The following UMOD variants were observed in gnomAD, a reference collection of about 807,000 sequenced individuals.
UMOD encodes Tamm-Horsfall urinary glycoprotein.
In UMOD, 64 loss-of-function variants were observed where a neutral mutation model predicts 66.0. The ratio of observed to expected loss-of-function variants is 0.97; its 90% CI spans 0.79 to 1.19. The LOEUF (loss-of-function observed/expected upper bound fraction) is 1.19, where lower values mean the gene tolerates loss of function less well. Ranked by LOEUF, UMOD falls within the 50% of genes most tolerant of loss-of-function variation. UMOD has a pLI of 0.00. For synonymous variants in UMOD, 398 were observed against 352.7 expected (o/e 1.13, Z -1.44); for missense variants, 764 against 850.9 (o/e 0.90, Z 1.27).
upstream of UMOD, among the ~76,000 whole-genome samples, chr16:20,355,275 C>A (rs187219334): frequency 6.6e-5 from 10 of 152,232 alleles, no homozygotes; most frequent in East Asian, 1.9e-3. Context: ...TCCATGTTAC[C>A]AAATTCAATC....
rs1361617632 is a variant in UMOD, at chr16:20,333,166, G to A, written c.*148C>T. The A allele has an allele frequency of 1.3e-5, 11 of 844,412 alleles. No individual in the cohort carries two copies. The highest frequency in any genetic ancestry group is 6.1e-5 in the Admixed American group (3 of 48,792). 52.3% of individuals were successfully genotyped at this position (844,412 alleles called of 1,614,324 possible). A position where few individuals can be genotyped will look rare whatever the true frequency, so the allele number is the denominator to read the frequency against. ...CATTTAAAGACACAGGCTGTTTCTC[G>A]ACAGCCAGGATTAAAAGGGAGAAAA... is the stretch of plus-strand genomic sequence containing the variant. On this transcript the variant is annotated 3_prime_UTR_variant, in exon 11 of 11. Transcript: ENST00000396138.
intron 7 of UMOD, among the ~76,000 whole-genome samples, chr16:20,340,636 T>C (rs1239083506): frequency 6.6e-6 from 1 of 151,982 alleles, no homozygotes; most frequent in Non-Finnish European, 1.5e-5. Flanking sequence ...ATTTCTGTAG[T>C]TTGTTGCCTG....
rs376136571 is a variant in UMOD at position 20,340,045 on chromosome 16, C to T, written c.1577+1046G>A. 3.3e-4 allele frequency among the ~76,000 whole-genome samples: 50 copies of T among 152,250 alleles called. No individual in the cohort carries two copies. The South Asian group carries it at 9.3e-3, about 28-fold the overall frequency. On this transcript the variant is annotated intron_variant, in intron 7 of 10. Transcript: ENST00000396138. ...TGGGCTGCCTGCTGCCCTGGGCAAG[C>T]CTTTCCATCAAGTTTCTTACCATTT...
intron 7 of UMOD, 81 bp downstream of exon 7, chr16:20,341,005 AAAAAG>A: frequency 1.4e-6 from 2 of 1,441,982 alleles, no homozygotes; most frequent in South Asian, 1.3e-5. Flanking sequence ...AAAAAAAAAA[AAAAAG>A]ATGCAATTTT....
chr16:20,349,951 G>T, intron 2 of UMOD: 1 of 1,420,986 alleles, frequency 7.0e-7, no homozygotes, highest in Non-Finnish European at 9.3e-7. Context: ...AATAGGATGT[G>T]CACTTTTCAC....
chr16:20,349,935 C>A, intron 2 of UMOD: 1 of 1,484,690 alleles, frequency 6.7e-7, no homozygotes, highest in South Asian at 1.3e-5. Flanking sequence ...TTACTATATG[C>A]CAGGCAATAG....
At position 20,343,603 on chromosome 16, in the gene UMOD, C is replaced by T. The variant is rs552090716; in HGVS notation, c.1331+421G>A. On this transcript the variant is annotated intron_variant, in intron 6 of 10. Transcript: ENST00000396138. ...GGTTGAATCTGATTCACATCACAAT[C>T]ATAGCTCTAAGCAGCCTCAAATTCC... Among the ~76,000 whole-genome samples the T allele has an allele frequency of 4.6e-5, 7 of 152,338 alleles. No individual in the cohort carries two copies. In the South Asian group the frequency reaches 1.4e-3, roughly 32 times the overall value.
chr16:20,341,695 T>G lies in UMOD; in HGVS notation c.1332-359A>C, dbSNP rs2141649884. On this transcript the variant is annotated intron_variant, in intron 6 of 10. Coordinates refer to ENST00000396138, the MANE Select transcript of UMOD (RefSeq NM_003361.4). ...TATAGGCTTTGCTACCCCTGTAGCT[T>G]TCAAGATGGCAAAAAAACAAATTAT... 1.3e-5 allele frequency among the ~76,000 whole-genome samples: 2 copies of G among 149,856 alleles called. 1 individual carries two copies. The highest frequency in any genetic ancestry group is 3.9e-4 in the East Asian group (2 of 5,184).
intron 5 of UMOD, among the ~76,000 whole-genome samples, chr16:20,345,848 A>G (rs1965552795): frequency 6.6e-6 from 1 of 152,176 alleles, no homozygotes; most frequent in Non-Finnish European, 1.5e-5. Flanking sequence ...TGTAAAATGG[A>G]GAACTATCAC....
At chr16:20,343,605 T>C (rs1005174213) in intron 6 of UMOD, among the ~76,000 whole-genome samples, 27 of 152,232 alleles carry the variant, frequency 1.8e-4, no homozygotes, top group African/African-American at 6.3e-4. Context: ...ATCACAATCA[T>C]AGCTCTAAGC....
chr16:20,349,886 A>G, intron 2 of UMOD: 2 of 1,511,080 alleles, frequency 1.3e-6, no homozygotes, highest in African/African-American at 1.6e-5. Context: ...AATAAAAATA[A>G]CCATTAAAAA....
At chr16:20,339,038 G>A (rs567552246) in intron 7 of UMOD, among the ~76,000 whole-genome samples, 1 of 152,264 alleles carries the variant, frequency 6.6e-6, no homozygotes, top group Non-Finnish European at 1.5e-5. Context: ...TGGGATTACA[G>A]GCGTGAGCCA....
intron 2 of UMOD, chr16:20,349,816 C>T: frequency 6.5e-7 from 1 of 1,550,096 alleles, no homozygotes; most frequent in East Asian, 2.4e-5. Context: ...TCAGTGTCGC[C>T]TCCTCTCTGC....
rs769862242 is a variant in UMOD, at chr16:20,348,497, G to T, written c.804C>A (p.Ala268=). ...WDASVQVKAC[A]GGYYVYNLTA... is the part of the protein sequence containing the mutation. Reference sequence around the variant, plus strand: ...TCAGGTTGTAGACGTAGTAGCCGCCGGCACAGGCCTTCACCTGGACGGACG... The same window carrying T: ...TCAGGTTGTAGACGTAGTAGCCGCCTGCACAGGCCTTCACCTGGACGGACG... Residue 268 remains alanine (A), a synonymous_variant, in exon 3 of 11, where the codon GCC becomes GCA. Transcript: ENST00000396138. 5.0e-6 allele frequency: 8 copies of T among 1,611,178 alleles called. No individual in the cohort carries two copies. The South Asian group carries it at 7.7e-5, about 15-fold the overall frequency.
rs1965699566 is a variant in UMOD, at chr16:20,348,335, A to G, written c.866-5T>C. The G allele has an allele frequency of 6.2e-7, 1 of 1,614,218 alleles. No homozygotes were observed. The highest frequency in any genetic ancestry group is 8.5e-7 in the Non-Finnish European group (1 of 1,180,036). On this transcript the variant is annotated splice_region_variant and splice_polypyrimidine_tract_variant and intron_variant, in intron 3 of 10. Transcript: ENST00000396138. The stretch of plus-strand genomic sequence containing the variant: ...TCCCCTCCACGGAGCTGGGGTCTGC[A>G]GGGTCACAGGGACAGACAGACAATC...
chr16:20,339,158 T>C (rs1449404363), intron 7 of UMOD, among the ~76,000 whole-genome samples: 1 of 152,236 alleles, frequency 6.6e-6, no homozygotes, highest in East Asian at 1.9e-4. Flanking sequence ...TGAGCTAACC[T>C]GTTTCTTAAA....
chr16:20,349,977 A>T, intron 2 of UMOD: 1 of 1,265,448 alleles, frequency 7.9e-7, no homozygotes, highest in Non-Finnish European at 1.1e-6. Flanking sequence ...ATCTTGTTGA[A>T]TACTTCCCAA....
upstream of UMOD, chr16:20,352,839 G>T: frequency 1.2e-6 from 1 of 863,384 alleles, no homozygotes; most frequent in Non-Finnish European, 1.5e-6. Context: ...TTTTCCTCCT[G>T]GCATAATGTT....
intron 7 of UMOD, among the ~76,000 whole-genome samples, chr16:20,338,304 A>T (rs1438648701): frequency 6.6e-6 from 1 of 152,100 alleles, no homozygotes; most frequent in East Asian, 1.9e-4. Context: ...TGTCCCCTCC[A>T]GTCACTTTCA....
Sources: gnomAD v4.1 joint callset for allele counts (sites outside exome capture counted in the v4.1 genomes callset) on GRCh38, gnomAD v4.1.1 for gene constraint, MANE v1.5 for transcripts, NCBI Gene and HGNC (gene_info 2026-07-23, HGNC 2026-07-21) for gene names.